AUTS2: variants seen among roughly 807,000 people sequenced by gnomAD.
AUTS2 encodes the protein autism susceptibility gene 2 protein.
In AUTS2, 17 loss-of-function variants were observed where a neutral mutation model predicts 112.4. That is an observed-to-expected ratio of 0.15 (90% CI 0.10 to 0.23). AUTS2 has a LOEUF of 0.23. Ranked by LOEUF, AUTS2 falls within the 10% of genes least tolerant of loss-of-function variation. The pLI is 1.00. For synonymous variants in AUTS2, 751 were observed against 702.7 expected (o/e 1.07, Z -1.09); for missense variants, 1,510 against 1,701.6 (o/e 0.89, Z 1.98).
chr7:70,218,475 G>A (rs1394593151), intron 4 of AUTS2, among the ~76,000 whole-genome samples: 1 of 152,130 alleles, frequency 6.6e-6, no homozygotes, highest in Non-Finnish European at 1.5e-5. Flanking sequence ...GCACAGTAGA[G>A]AAAGCCATGG....
rs540227006 is a variant in AUTS2, at chr7:70,688,632, A to G, written c.691-9937A>G. The stretch of plus-strand genomic sequence containing the variant: ...CGCTTGAGGCCAGGAGTCAGAGATC[A>G]GCATGAGCAAGATAAAGAGACCCTG... On this transcript the variant is annotated intron_variant, in intron 5 of 18. Transcript: ENST00000342771. Among the ~76,000 whole-genome samples, 5 of 152,298 alleles carry G rather than the reference A, an allele frequency of 3.3e-5. No individual in the cohort carries two copies. In the South Asian group the frequency reaches 1.0e-3, roughly 32 times the overall value.
At chr7:69,925,269 CCTT>C (rs1300350186) in intron 2 of AUTS2, among the ~76,000 whole-genome samples, 1 of 151,964 alleles carries the variant, frequency 6.6e-6, no homozygotes, top group African/African-American at 2.4e-5. Context: ...TCATTGATTT[CCTT>C]CTTTCTGCTT....
chr7:70,605,747 G>A (rs1201492283), intron 5 of AUTS2, among the ~76,000 whole-genome samples: 5 of 151,892 alleles, frequency 3.3e-5, no homozygotes, highest in African/African-American at 9.7e-5. Flanking sequence ...TTGTATTAGC[G>A]AATCACAGAA....
intron 1 of AUTS2, among the ~76,000 whole-genome samples, chr7:69,796,800 ATGTATAAT>A (rs1789864834): frequency 6.6e-6 from 1 of 152,180 alleles, no homozygotes; most frequent in African/African-American, 2.4e-5. Context: ...ATTGACCTTC[ATGTATAAT>A]TAAGAATATC....
rs1474786935 is a variant in AUTS2 at position 70,188,241 on chromosome 7, A to C, written c.660+53670A>C. Among the ~76,000 whole-genome samples, 3 of 152,252 alleles carry C rather than the reference A, an allele frequency of 2.0e-5. No individual in the cohort carries two copies. The East Asian group carries it at 5.8e-4, about 29-fold the overall frequency. On this transcript the variant is annotated intron_variant, in intron 4 of 18. Transcript: ENST00000342771. Reference sequence around the variant, plus strand: ...CATACACACTTTTGTTTTATTGAGGATAGGGTTTTATCATTCCACAGCTGT... The same window carrying C: ...CATACACACTTTTGTTTTATTGAGGCTAGGGTTTTATCATTCCACAGCTGT...
At chr7:70,594,434 A>G (rs1190358092) in intron 5 of AUTS2, among the ~76,000 whole-genome samples, 1 of 152,076 alleles carries the variant, frequency 6.6e-6, no homozygotes, top group Non-Finnish European at 1.5e-5. Context: ...TAGTGGAGAG[A>G]ACCGGTGATT....
At chr7:70,232,638 C>G (rs1195618201) in intron 4 of AUTS2, among the ~76,000 whole-genome samples, 4 of 152,150 alleles carry the variant, frequency 2.6e-5, no homozygotes. Context: ...CTCGGCCTCT[C>G]AAAGTGTTGA....
intron 2 of AUTS2, among the ~76,000 whole-genome samples, chr7:70,097,274 A>G (rs1197127469): frequency 2.0e-5 from 3 of 152,248 alleles, no homozygotes; most frequent in African/African-American, 7.2e-5. Flanking sequence ...TTGTATTTGC[A>G]TGAACGGAGA....
At chr7:70,758,345 C>T (rs1455878924) in intron 6 of AUTS2, among the ~76,000 whole-genome samples, 1 of 152,024 alleles carries the variant, frequency 6.6e-6, no homozygotes, top group Non-Finnish European at 1.5e-5. Context: ...AAGGGAACTC[C>T]ATTTGTTATT....
At chr7:70,350,045 A>ATT (rs1391005907) in intron 4 of AUTS2, among the ~76,000 whole-genome samples, 1 of 152,198 alleles carries the variant, frequency 6.6e-6, no homozygotes, top group Non-Finnish European at 1.5e-5. Flanking sequence ...TTGGAAGTGC[A>ATT]TTTGAGGCAA....
chr7:69,938,219 G>A (rs562413608), intron 2 of AUTS2, among the ~76,000 whole-genome samples: 3 of 152,134 alleles, frequency 2.0e-5, no homozygotes, highest in Admixed American at 6.6e-5. Context: ...CATCAGCTAA[G>A]CCCCCTTGTC....
chr7:69,960,414 A>G (rs1489408007), intron 2 of AUTS2, among the ~76,000 whole-genome samples: 1 of 152,190 alleles, frequency 6.6e-6, no homozygotes, highest in Admixed American at 6.5e-5. Flanking sequence ...CTAGTAGTCA[A>G]TGAATATTAA....
chr7:70,578,562 A>G (rs1011723401), intron 5 of AUTS2, among the ~76,000 whole-genome samples: 2 of 152,264 alleles, frequency 1.3e-5, no homozygotes, highest in Non-Finnish European at 2.9e-5. Flanking sequence ...TTAGTAAACT[A>G]GAGCACCAAA....
intron 1 of AUTS2, among the ~76,000 whole-genome samples, chr7:69,686,489 T>G (rs1204826495): frequency 6.6e-6 from 1 of 152,202 alleles, no homozygotes; most frequent in African/African-American, 2.4e-5. Context: ...TTTAGGGACC[T>G]CAAGAATATT....
chr7:70,192,274 T>C (rs1031071264), intron 4 of AUTS2, among the ~76,000 whole-genome samples: 1 of 152,182 alleles, frequency 6.6e-6, no homozygotes, highest in Non-Finnish European at 1.5e-5. Context: ...TTATTGATTG[T>C]ACTTTTGCCA....
At chr7:70,471,657 G>C (rs1257558814) in intron 5 of AUTS2, among the ~76,000 whole-genome samples, 6 of 152,088 alleles carry the variant, frequency 3.9e-5, no homozygotes, top group Non-Finnish European at 8.8e-5. Context: ...AAACGTTTAA[G>C]TATGTAGACT....
At chr7:69,752,578 C>T (rs1045145997) in intron 1 of AUTS2, among the ~76,000 whole-genome samples, 2 of 152,016 alleles carry the variant, frequency 1.3e-5, no homozygotes, top group East Asian at 1.9e-4. Context: ...ATCTTGTGTG[C>T]GACTTATTTT....
At chr7:69,672,073 TTTG>T (rs1796355418) in intron 1 of AUTS2, among the ~76,000 whole-genome samples, 1 of 151,876 alleles carries the variant, frequency 6.6e-6, no homozygotes, top group African/African-American at 2.4e-5. Context: ...CTTTTTTTTT[TTTG>T]GAAATGGAGT....
chr7:70,481,035 A>T (rs1309794256), intron 5 of AUTS2, among the ~76,000 whole-genome samples: 1 of 152,198 alleles, frequency 6.6e-6, no homozygotes, highest in African/African-American at 2.4e-5. Context: ...TTGAAGGCTC[A>T]TGTTGAAAAA....
Sources: allele counts gnomAD v4.1 joint callset (sites outside exome capture counted in the v4.1 genomes callset), GRCh38; gene constraint gnomAD v4.1.1; transcripts MANE v1.5; gene names NCBI Gene and HGNC (gene_info 2026-07-23, HGNC 2026-07-21).